Variants in PLXNA4 observed in about 807,000 individuals in gnomAD.
The protein encoded by PLXNA4 is plexin A4, also known as plexin-A4.
A neutral mutation model predicts 191.8 loss-of-function variants in PLXNA4; 44 were observed. The ratio of observed to expected loss-of-function variants is 0.23; its 90% CI spans 0.18 to 0.29. The LOEUF is 0.29. Among genes scored for constraint, PLXNA4 ranks in the 10% least tolerant of loss-of-function variants. PLXNA4 has a pLI of 1.00. For missense variants in PLXNA4, 1,800 were observed against 2,488.8 expected, an observed-to-expected ratio of 0.72 and a Z score of 5.89; for synonymous variants, 1,082 against 1,009.5, an observed-to-expected ratio of 1.07 and a Z score of -1.36.
At chr7:132,561,591 T>C (rs1801082052) in intron 1 of PLXNA4, among the ~76,000 whole-genome samples, 1 of 107,048 alleles carries the variant, frequency 9.3e-6, no homozygotes, top group Admixed American at 1.1e-4. Flanking sequence ...CTCTTCCTCC[T>C]TCTCTTCCTC....
chr7:132,195,285 C>T (rs182786813), intron 13 of PLXNA4, among the ~76,000 whole-genome samples: 18 of 152,282 alleles, frequency 1.2e-4, no homozygotes, highest in Non-Finnish European at 2.2e-4. Flanking sequence ...TCTGTAGACA[C>T]GGCTCGACTT....
At chr7:132,613,595 G>A (rs1803094770) in intron 2 of PLXNA4, among the ~76,000 whole-genome samples, 1 of 152,196 alleles carries the variant, frequency 6.6e-6, no homozygotes, top group South Asian at 2.1e-4. Context: ...CTCCTGTGGT[G>A]TGTCAGTGAG....
In PLXNA4 at chr7:132,127,356, A is replaced by C. The variant is rs1794797730; in HGVS notation, c.*3123T>G. 6.6e-6 allele frequency: 1 copy of C among 152,126 alleles called. No individual in the cohort carries two copies. Among genetic ancestry groups the C allele is most frequent in the African/African-American group, 2.4e-5 (1 of 41,418 alleles). The allele number at this position is 152,126 out of a possible 1,614,324, so 9.4% of individuals were successfully genotyped here. ...GAGGCCGTGAAGGGGCCTCCATCCC[A>C]CAGGACAAAGTTGGCCCAATTCCTT... On this transcript the variant is annotated 3_prime_UTR_variant, in exon 32 of 32. Coordinates refer to ENST00000321063, the MANE Select transcript of PLXNA4 (RefSeq NM_020911.2).
At chr7:132,323,971 A>C (rs999295622) in intron 3 of PLXNA4, among the ~76,000 whole-genome samples, 1 of 152,166 alleles carries the variant, frequency 6.6e-6, no homozygotes, top group Non-Finnish European at 1.5e-5. Context: ...AAATAGGCCT[A>C]AGGATGGAGA....
At chr7:132,643,132 G>T (rs1050347228) in intron 2 of PLXNA4, among the ~76,000 whole-genome samples, 1 of 152,120 alleles carries the variant, frequency 6.6e-6, no homozygotes, top group Admixed American at 6.5e-5. Flanking sequence ...TAAGTGGAAG[G>T]GCAGCTCATG....
chr7:132,156,312 C>T (rs949631116), intron 25 of PLXNA4, among the ~76,000 whole-genome samples: 3 of 152,078 alleles, frequency 2.0e-5, no homozygotes, highest in African/African-American at 7.2e-5. Context: ...TGGGAGAGCT[C>T]GTCTGAGCTC....
chr7:132,617,160 C>T (rs555305250), intron 2 of PLXNA4, among the ~76,000 whole-genome samples: 14 of 152,250 alleles, frequency 9.2e-5, no homozygotes, highest in African/African-American at 2.2e-4. Flanking sequence ...GTAAAGAACC[C>T]GATTGCCACC....
intron 3 of PLXNA4, among the ~76,000 whole-genome samples, chr7:132,477,605 A>T (rs1797182358): frequency 6.6e-6 from 1 of 152,218 alleles, no homozygotes; most frequent in East Asian, 1.9e-4. Context: ...ACACACACAC[A>T]TGCACACAGG....
chr7:132,473,201 C>T lies in PLXNA4; in HGVS notation c.1371+16091G>A, dbSNP rs138329249. 5.0e-3 allele frequency among the ~76,000 whole-genome samples: 759 copies of T among 152,322 alleles called. 6 individuals carry two copies. Among genetic ancestry groups the T allele is most frequent in the Middle Eastern group, 0.034 (10 of 294 alleles). ...ATGAGAACTTGTCACCAGGTGCAAA[C>T]CCCAAATCTTGCCACTGGCTCAAGC... On this transcript the variant is annotated intron_variant, in intron 3 of 31. Coordinates refer to ENST00000321063, the MANE Select transcript of PLXNA4 (RefSeq NM_020911.2).
intron 9 of PLXNA4, among the ~76,000 whole-genome samples, chr7:132,211,588 C>T (rs1455725752): frequency 6.6e-6 from 1 of 152,204 alleles, no homozygotes; most frequent in Non-Finnish European, 1.5e-5. Context: ...GCCCTGGGCC[C>T]TGTTCTGCCC....
At chr7:132,312,789 T>A (rs761521152) in intron 3 of PLXNA4, among the ~76,000 whole-genome samples, 3 of 152,130 alleles carry the variant, frequency 2.0e-5, no homozygotes, top group Non-Finnish European at 4.4e-5. Flanking sequence ...CACAATCAGT[T>A]GACGTGAAGA....
intron 3 of PLXNA4, among the ~76,000 whole-genome samples, chr7:132,426,331 G>C (rs901633970): frequency 2.1e-4 from 32 of 152,320 alleles, no homozygotes; most frequent in African/African-American, 7.0e-4. Flanking sequence ...CCCTCCACTG[G>C]CTGGGTTGCC....
intron 3 of PLXNA4, among the ~76,000 whole-genome samples, chr7:132,430,304 C>T (rs1429155637): frequency 6.6e-6 from 1 of 152,154 alleles, no homozygotes; most frequent in Non-Finnish European, 1.5e-5. Context: ...GACATTACTC[C>T]TCTTCTGCAC....
At position 132,508,285 on chromosome 7, in the gene PLXNA4, T is replaced by C. The variant is rs1237903787; in HGVS notation, c.409A>G (p.Ile137Val). The C allele has an allele frequency of 1.2e-6, 2 of 1,614,210 alleles. No homozygotes were observed. The highest frequency in any genetic ancestry group is 1.7e-6 in the Non-Finnish European group (2 of 1,180,042). Residue 137 changes from isoleucine to valine, a missense_variant, in exon 2 of 32, where the codon ATC becomes GTC. Transcript: ENST00000321063. The surrounding 1 kb of genome is among the most constrained non-coding windows in gnomAD (Gnocchi z 4.4). ...TCCTCCAGCCTCAGCAGCTTGCAGA[T>C]GCCTTGGTACAGGCTCCCACAGGCA... The part of the protein sequence containing the change: ...LIACGSLYQG[I>V]CKLLRLEDLF...
intron 14 of PLXNA4, among the ~76,000 whole-genome samples, chr7:132,189,447 T>A (rs944675432): frequency 5.3e-5 from 8 of 152,164 alleles, no homozygotes; most frequent in Admixed American, 2.6e-4. Context: ...TAGGAACAGC[T>A]AGTGACAGCC....
chr7:132,318,531 C>T (rs974358328), intron 3 of PLXNA4, among the ~76,000 whole-genome samples: 1 of 152,126 alleles, frequency 6.6e-6, no homozygotes, highest in African/African-American at 2.4e-5. Flanking sequence ...AGGACTCTCC[C>T]TCCCCACCCC....
intron 2 of PLXNA4, among the ~76,000 whole-genome samples, chr7:132,492,222 C>T (rs766804670): frequency 1.1e-4 from 17 of 152,192 alleles, no homozygotes; most frequent in Non-Finnish European, 1.9e-4. Context: ...ACCACCTCTG[C>T]CACAAACATA....
chr7:132,464,768 G>T (rs538476538), intron 3 of PLXNA4, among the ~76,000 whole-genome samples: 21 of 152,306 alleles, frequency 1.4e-4, no homozygotes, highest in African/African-American at 4.8e-4. Context: ...CAGGACTAAA[G>T]GATGCCAGTG....
At chr7:132,218,428 C>G (rs1045690496) in intron 9 of PLXNA4, among the ~76,000 whole-genome samples, 3 of 152,214 alleles carry the variant, frequency 2.0e-5, no homozygotes, top group Non-Finnish European at 4.4e-5. Flanking sequence ...GTGCTTTGCC[C>G]TCCTTGCAAA....
Sources: allele counts gnomAD v4.1 joint callset (sites outside exome capture counted in the v4.1 genomes callset), GRCh38; gene constraint gnomAD v4.1.1; non-coding constraint Gnocchi (gnomAD v3.1); transcripts MANE v1.5; gene names NCBI Gene and HGNC (gene_info 2026-07-23, HGNC 2026-07-21).